Variants in ATP5MJ observed in about 807,000 individuals in gnomAD.
The protein encoded by ATP5MJ is ATP synthase F(0) complex subunit j, mitochondrial.
In ATP5MJ, 4 loss-of-function variants were observed where a neutral mutation model predicts 8.3. The observed-to-expected ratio is 0.48, with a 90% CI of 0.24 to 1.11. The LOEUF is 1.11. Ranked by LOEUF, ATP5MJ falls within the 50% of genes least tolerant of loss-of-function variation. ATP5MJ has a pLI of 0.18. For missense variants in ATP5MJ, 66 were observed against 71.8 expected (o/e 0.92, Z 0.29); for synonymous variants, 23 against 21.3 (o/e 1.08, Z -0.23).
intron 1 of ATP5MJ, chr14:103,920,794 C>T: frequency 2.7e-6 from 2 of 739,760 alleles, no homozygotes; most frequent in South Asian, 1.5e-5. Context: ...GTCCATTCTG[C>T]CCAGGCACAT....
At chr14:103,920,990 T>C (rs1357698250) in intron 1 of ATP5MJ, 23 of 1,551,604 alleles carry the variant, frequency 1.5e-5, no homozygotes, top group Non-Finnish European at 2.0e-5. Flanking sequence ...TACAATTTCA[T>C]TCAGCACCGT....
Position 103,919,514 on chromosome 14 carries a change from G to A in ATP5MJ, c.-1+1956C>T, listed in dbSNP as rs146956461. On this transcript the variant is annotated intron_variant, in intron 1 of 3. Coordinates refer to ENST00000286953, the MANE Select transcript of ATP5MJ (RefSeq NM_004894.3). ...AACAAGAAGGAAGGCTTAAAAAGAC[G>A]CCCTCATTTAGGCCAGGTAGGGGCT... Among the ~76,000 whole-genome samples, 453 of 152,158 alleles carry A rather than the reference G, an allele frequency of 3.0e-3. 4 individuals carry two copies. Among genetic ancestry groups the A allele is most frequent in the African/African-American group, 0.011 (440 of 41,520 alleles).
chr14:103,921,087 A>G (rs2087674730), intron 1 of ATP5MJ: 4 of 1,500,526 alleles, frequency 2.7e-6, no homozygotes, highest in Non-Finnish European at 2.7e-6. Context: ...AGGAAACTTG[A>G]GTTATAAAGG....
chr14:103,918,807 G>A (rs2087646577), intron 1 of ATP5MJ, among the ~76,000 whole-genome samples: 1 of 152,046 alleles, frequency 6.6e-6, no homozygotes. Context: ...GAGATCAAGA[G>A]GTCAGGAGAT....
chr14:103,915,049 A>C lies in ATP5MJ; in HGVS notation c.124+17T>G. On this transcript the variant is annotated intron_variant, in intron 2 of 3. Transcript: ENST00000286953. The stretch of plus-strand genomic sequence containing the variant: ...TTTCTTCCTGACCTCAGAAAAATCA[A>C]ACATAAGGAAACGTACCAGCAGCCC... 6.2e-7 allele frequency: 1 copy of C among 1,613,338 alleles called. No homozygotes were observed.
intron 1 of ATP5MJ, among the ~76,000 whole-genome samples, chr14:103,919,898 C>T (rs1033083702): frequency 1.3e-5 from 2 of 151,882 alleles, no homozygotes; most frequent in Non-Finnish European, 2.9e-5. Context: ...GCGATCGCGG[C>T]TCACTGCAAC....
At chr14:103,914,124 G>C (rs917411756) in intron 2 of ATP5MJ, 140 bp from the exon 3 acceptor site, 1 of 744,538 alleles carries the variant, frequency 1.3e-6, no homozygotes, top group Non-Finnish European at 2.2e-6. Flanking sequence ...TTATAGCCAA[G>C]AAATGGTAAA....
chr14:103,914,837 C>CAAAAAGGAAAAAAAAAAAA lies in ATP5MJ; in HGVS notation c.124+228_124+229insTTTTTTTTTTTTCCTTTTT, dbSNP rs370479683. The CAAAAAGGAAAAAAAAAAAA allele has an allele frequency of 3.1e-4, 59 of 191,074 alleles. 3 individuals are homozygous for CAAAAAGGAAAAAAAAAAAA. The highest frequency in any genetic ancestry group is 2.3e-3 in the Admixed American group (15 of 6,398). 11.8% of individuals were successfully genotyped at this position (191,074 alleles called of 1,614,324 possible). ...GGGCGTCAGAGTGAGAGACTGTCTCCAAAAAAAAAAAAAAAAAAAAGAAAA... is the reference window on the plus strand; with the variant it reads ...GGGCGTCAGAGTGAGAGACTGTCTCCAAAAAGGAAAAAAAAAAAAAAAAAAAAAAAAAAAAAAAAGAAAA... On this transcript the variant is annotated intron_variant, in intron 2 of 3. Coordinates refer to ENST00000286953, the MANE Select transcript of ATP5MJ (RefSeq NM_004894.3).
At chr14:103,919,248 G>A (rs946186041) in intron 1 of ATP5MJ, among the ~76,000 whole-genome samples, 6 of 151,348 alleles carry the variant, frequency 4.0e-5, no homozygotes, top group African/African-American at 1.5e-4. Flanking sequence ...GGGCATGGTG[G>A]TGGGCGCCTG....
At chr14:103,916,645 C>T (rs1327701285) in intron 1 of ATP5MJ, among the ~76,000 whole-genome samples, 1 of 152,152 alleles carries the variant, frequency 6.6e-6, no homozygotes, top group East Asian at 1.9e-4. Flanking sequence ...TATTGGAAGA[C>T]TGAGGTGGGA....
intron 1 of ATP5MJ, chr14:103,921,165 C>CCAGAGGCTACGCAGAG: frequency 1.2e-6 from 1 of 810,482 alleles, no homozygotes; most frequent in Non-Finnish European, 2.0e-6. Flanking sequence ...TCTGCGTAGC[C>CCAGAGGCTACGCAGAG]TCTGGGTTAG....
intron 3 of ATP5MJ, chr14:103,912,918 G>A: frequency 1.8e-6 from 1 of 550,026 alleles, no homozygotes; most frequent in Non-Finnish European, 3.2e-6. Flanking sequence ...AGCGCAAAGA[G>A]AGAGGCAGGG....
chr14:103,914,686 G>A (rs1282702183), intron 2 of ATP5MJ: 4 of 569,808 alleles, frequency 7.0e-6, no homozygotes, highest in Non-Finnish European at 9.3e-6. Context: ...GTGGTGTTGG[G>A]CATAGTGACG....
At chr14:103,914,818 C>CA in intron 2 of ATP5MJ, 1 of 372,716 alleles carries the variant, frequency 2.7e-6, no homozygotes, top group Middle Eastern at 8.6e-4. Flanking sequence ...GCCTGGGCGT[C>CA]AGAGTGAGAG....
chr14:103,921,035 A>C (rs1179869967), intron 1 of ATP5MJ: 1 of 1,551,472 alleles, frequency 6.4e-7, no homozygotes, highest in African/African-American at 1.4e-5. Context: ...TGCCTCACCC[A>C]AGTTGTCATG....
At chr14:103,918,758 C>T (rs2087646030) in intron 1 of ATP5MJ, among the ~76,000 whole-genome samples, 1 of 152,138 alleles carries the variant, frequency 6.6e-6, no homozygotes, top group Non-Finnish European at 1.5e-5. Flanking sequence ...AGCGGTAGCT[C>T]ACGCCTGTAA....
chr14:103,919,254 G>A (rs544298492), intron 1 of ATP5MJ, among the ~76,000 whole-genome samples: 1 of 150,940 alleles, frequency 6.6e-6, no homozygotes, highest in Non-Finnish European at 1.5e-5. Context: ...GGTGGTGGGC[G>A]CCTGTAATCC....
At chr14:103,914,400 A>G in intron 2 of ATP5MJ, 1 of 566,954 alleles carries the variant, frequency 1.8e-6, no homozygotes, top group Non-Finnish European at 3.2e-6. Context: ...ACCACATACC[A>G]TGAACCCATA....
At chr14:103,916,722 G>C (rs2087628647) in intron 1 of ATP5MJ, among the ~76,000 whole-genome samples, 1 of 152,080 alleles carries the variant, frequency 6.6e-6, no homozygotes, top group Admixed American at 6.6e-5. Context: ...CTGCAGCCTG[G>C]GTGACAAAGT....
Sources: gnomAD v4.1 joint callset for allele counts (sites outside exome capture counted in the v4.1 genomes callset) on GRCh38, gnomAD v4.1.1 for gene constraint, MANE v1.5 for transcripts, NCBI Gene and HGNC (gene_info 2026-07-23, HGNC 2026-07-21) for gene names.